Variants in CAMTA1 observed in about 807,000 individuals in gnomAD.
CAMTA1 encodes calmodulin-binding transcription activator 1.
Under a neutral mutation model 170.9 loss-of-function variants are expected in CAMTA1, and 27 were observed. The ratio of observed to expected loss-of-function variants is 0.16; its 90% CI spans 0.12 to 0.22. CAMTA1 has a LOEUF of 0.22. Among genes scored for constraint, CAMTA1 ranks in the 10% least tolerant of loss-of-function variants. The pLI is 1.00. For missense variants in CAMTA1, 1,619 were observed against 2,217.2 expected (o/e 0.73, Z 5.42); for synonymous variants, 833 against 891.5 (o/e 0.93, Z 1.17).
Position 7,373,775 on chromosome 1 carries a change from G to A in CAMTA1, c.439-94055G>A, listed in dbSNP as rs181557772. On this transcript the variant is annotated intron_variant, in intron 5 of 22. Transcript: ENST00000303635. The stretch of plus-strand genomic sequence containing the variant: ...GTTGTACAAATACCCCATCAATAGT[G>A]CAGTGGCTCATTTCATTGTTCTCAG... 2.1e-3 allele frequency among the ~76,000 whole-genome samples: 323 copies of A among 152,308 alleles called. 6 individuals carry two copies. The highest frequency in any genetic ancestry group is 0.02 in the Admixed American group (309 of 15,298).
intron 9 of CAMTA1, among the ~76,000 whole-genome samples, chr1:7,668,968 GC>G (rs1250763249): frequency 2.6e-5 from 4 of 151,998 alleles, no homozygotes; most frequent in African/African-American, 4.8e-5. Context: ...CCACCTGTCC[GC>G]CGGCACTCTT....
chr1:7,250,244 C>T (rs549052122), intron 5 of CAMTA1, among the ~76,000 whole-genome samples: 2 of 152,364 alleles, frequency 1.3e-5, no homozygotes, highest in South Asian at 4.1e-4. Context: ...CACAGACTCT[C>T]AACCTTGGGC....
intron 5 of CAMTA1, among the ~76,000 whole-genome samples, chr1:7,315,523 A>G (rs1677360223): frequency 6.6e-6 from 1 of 152,202 alleles, no homozygotes; most frequent in Admixed American, 6.5e-5. Flanking sequence ...TGGCTGGGTC[A>G]ACATGGACAA....
intron 4 of CAMTA1, among the ~76,000 whole-genome samples, chr1:7,198,076 A>G (rs1011448642): frequency 2.0e-5 from 3 of 152,122 alleles, no homozygotes; most frequent in African/African-American, 7.2e-5. Context: ...ACGGAGCATC[A>G]TTTCCTAAAG....
intron 3 of CAMTA1, among the ~76,000 whole-genome samples, chr1:6,987,447 G>C (rs1464012614): frequency 6.6e-6 from 1 of 152,222 alleles, no homozygotes; most frequent in African/African-American, 2.4e-5. Flanking sequence ...TTACAGGCGT[G>C]AGCCATCACG....
At chr1:7,318,091 G>A (rs571134299) in intron 5 of CAMTA1, among the ~76,000 whole-genome samples, 2 of 152,224 alleles carry the variant, frequency 1.3e-5, no homozygotes, top group African/African-American at 2.4e-5. Flanking sequence ...CAAGGCTGAC[G>A]TCAGGGCCCA....
intron 4 of CAMTA1, among the ~76,000 whole-genome samples, chr1:7,200,077 AAAAC>A (rs1656367228): frequency 6.6e-6 from 1 of 152,248 alleles, no homozygotes; most frequent in Admixed American, 6.5e-5. Context: ...AAAGTTTTTT[AAAAC>A]ATACAAGTAC....
intron 5 of CAMTA1, among the ~76,000 whole-genome samples, chr1:7,424,024 G>A (rs555243656): frequency 1.8e-4 from 28 of 152,282 alleles, no homozygotes; most frequent in Middle Eastern, 6.8e-3. Flanking sequence ...GCACCATGCG[G>A]CACCTTTCTT....
intron 3 of CAMTA1, among the ~76,000 whole-genome samples, chr1:6,944,676 T>G (rs1687284343): frequency 6.6e-6 from 1 of 152,204 alleles, no homozygotes; most frequent in Non-Finnish European, 1.5e-5. Flanking sequence ...CTCCCATGCA[T>G]TTCAGAGCCC....
rs1161221003 is a variant in CAMTA1 at position 6,899,548 on chromosome 1, G to GCACA, written c.234+74339_234+74340insACAC. Among the ~76,000 whole-genome samples the GCACA allele has an allele frequency of 1.1e-3, 100 of 89,772 alleles. 1 individual carries two copies. The highest frequency in any genetic ancestry group is 3.6e-3 in the African/African-American group (94 of 25,854). 58.9% of individuals were successfully genotyped at this position (89,772 alleles called of 152,430 possible). On this transcript the variant is annotated intron_variant, in intron 3 of 22. Coordinates refer to ENST00000303635, the MANE Select transcript of CAMTA1 (RefSeq NM_015215.4). ...AATTATATGTGTATAACGCGCACGC[G>GCACA]CGCGCGCACACACACACACACACAC...
chr1:7,410,625 G>A (rs539404515), intron 5 of CAMTA1, among the ~76,000 whole-genome samples: 1 of 152,372 alleles, frequency 6.6e-6, no homozygotes, highest in East Asian at 1.9e-4. Flanking sequence ...AGAGGCTACA[G>A]AATTCAGAAT....
chr1:7,655,612 A>C (rs2095894801), intron 7 of CAMTA1, among the ~76,000 whole-genome samples: 1 of 141,236 alleles, frequency 7.1e-6, no homozygotes, highest in South Asian at 2.3e-4. Flanking sequence ...ACCTATACAC[A>C]CCCACACACC....
At chr1:6,829,912 G>A (rs1411939037) in intron 3 of CAMTA1, among the ~76,000 whole-genome samples, 1 of 152,056 alleles carries the variant, frequency 6.6e-6, no homozygotes, top group Non-Finnish European at 1.5e-5. Context: ...ATCTAATTTT[G>A]CATTATGATT....
At chr1:7,259,183 A>C (rs967416849) in intron 5 of CAMTA1, among the ~76,000 whole-genome samples, 3 of 152,130 alleles carry the variant, frequency 2.0e-5, no homozygotes, top group African/African-American at 7.2e-5. Flanking sequence ...CCCTCACTGC[A>C]AGGCCGGAGT....
intron 4 of CAMTA1, among the ~76,000 whole-genome samples, chr1:7,180,861 A>G (rs1168800850): frequency 2.6e-5 from 4 of 152,162 alleles, no homozygotes; most frequent in Non-Finnish European, 5.9e-5. Context: ...TTGTTTAGAG[A>G]ATCGAAAATA....
rs1558188089 is a variant in CAMTA1 at position 7,709,716 on chromosome 1, TG to T, written c.2915-22729del. 2.6e-5 allele frequency among the ~76,000 whole-genome samples: 4 copies of T among 152,192 alleles called. No individual in the cohort carries two copies. The South Asian group carries it at 6.2e-4, about 24-fold the overall frequency. On this transcript the variant is annotated intron_variant, in intron 11 of 22. Coordinates refer to ENST00000303635, the MANE Select transcript of CAMTA1 (RefSeq NM_015215.4). The stretch of plus-strand genomic sequence containing the variant: ...TCATATAATACAGCAGGATGGGCAC[TG>T]GGTGTTTCAGCTCTACCATTCACTC...
At chr1:7,539,119 T>G (rs1201895072) in intron 6 of CAMTA1, among the ~76,000 whole-genome samples, 1 of 152,248 alleles carries the variant, frequency 6.6e-6, no homozygotes, top group Non-Finnish European at 1.5e-5. Flanking sequence ...TATACATATT[T>G]GAACCCACAT....
At chr1:7,666,957 C>T (rs1032705771) in intron 9 of CAMTA1, among the ~76,000 whole-genome samples, 6 of 152,126 alleles carry the variant, frequency 3.9e-5, no homozygotes, top group African/African-American at 7.2e-5. Flanking sequence ...GGCGCCATCT[C>T]GGCTCACTGA....
chr1:6,986,965 T>G (rs1398543386), intron 3 of CAMTA1, among the ~76,000 whole-genome samples: 1 of 152,090 alleles, frequency 6.6e-6, no homozygotes, highest in Non-Finnish European at 1.5e-5. Context: ...CCCAATGGCA[T>G]ATGAGACCCC....
Sources: gnomAD v4.1 joint callset for allele counts (sites outside exome capture counted in the v4.1 genomes callset) on GRCh38, gnomAD v4.1.1 for gene constraint, MANE v1.5 for transcripts, NCBI Gene and HGNC (gene_info 2026-07-23, HGNC 2026-07-21) for gene names.